PALLD: variants seen among roughly 807,000 people sequenced by gnomAD.
PALLD encodes palladin.
In PALLD, 61 loss-of-function variants were observed where a neutral mutation model predicts 123.5. The observed-to-expected ratio is 0.49, with a 90% confidence interval of 0.40 to 0.61. The LOEUF (loss-of-function observed/expected upper bound fraction) is 0.61. PALLD is among the 20% of genes least tolerant of loss of function. The pLI is 0.00. For missense variants in PALLD, 1,273 were observed against 1,377.0 expected, an observed-to-expected ratio of 0.92 and a Z score of 1.20; for synonymous variants, 465 against 496.4, an observed-to-expected ratio of 0.94 and a Z score of 0.84.
chr4:168,650,942 A>G (rs896371874), intron 2 of PALLD, among the ~76,000 whole-genome samples: 1 of 152,192 alleles, frequency 6.6e-6, no homozygotes. Context: ...AAATACATAA[A>G]TGTATTTACA....
intron 2 of PALLD, among the ~76,000 whole-genome samples, chr4:168,636,024 CATTTCCTT>C (rs1580694618): frequency 6.6e-6 from 1 of 152,184 alleles, no homozygotes; most frequent in East Asian, 1.9e-4. Flanking sequence ...TACATTTGAT[CATTTCCTT>C]CCCAAATATG....
At chr4:168,761,640 TGTTTG>T (rs1732852923) in intron 10 of PALLD, among the ~76,000 whole-genome samples, 1 of 77,314 alleles carries the variant, frequency 1.3e-5, no homozygotes, top group East Asian at 3.3e-4. Context: ...TTGTTGTTGT[TGTTTG>T]TTTTTTTTTT....
chr4:168,639,672 T>C (rs554844126), intron 2 of PALLD, among the ~76,000 whole-genome samples: 85 of 152,014 alleles, frequency 5.6e-4, no homozygotes, highest in African/African-American at 1.8e-3. Context: ...GCCTCCTGAG[T>C]AGCTGGGACT....
chr4:168,669,749 C>T (rs1779995922), intron 3 of PALLD, among the ~76,000 whole-genome samples: 2 of 152,026 alleles, frequency 1.3e-5, no homozygotes, highest in South Asian at 4.1e-4. Flanking sequence ...TTAATAAAAA[C>T]AAACATTCTA....
chr4:168,527,444 A>AAAAAAAAAG (rs1764175499), intron 2 of PALLD, among the ~76,000 whole-genome samples: 1 of 149,364 alleles, frequency 6.7e-6, no homozygotes, highest in African/African-American at 2.5e-5. Context: ...AAAAAAAAAA[A>AAAAAAAAAG]GTCATGCTCA....
intron 3 of PALLD, among the ~76,000 whole-genome samples, chr4:168,671,358 G>C (rs879624209): frequency 6.6e-6 from 1 of 152,152 alleles, no homozygotes; most frequent in Admixed American, 6.5e-5. Context: ...AGTTCTATAT[G>C]GTACGTATCT....
At chr4:168,919,624 G>A (rs752772250) in intron 17 of PALLD, among the ~76,000 whole-genome samples, 20 of 151,334 alleles carry the variant, frequency 1.3e-4, no homozygotes, top group East Asian at 5.8e-4. Context: ...AAATCCTGAC[G>A]ATAAGCCAAA....
chr4:168,603,211 A>T (rs1351515505), intron 2 of PALLD, among the ~76,000 whole-genome samples: 1 of 152,234 alleles, frequency 6.6e-6, no homozygotes, highest in Non-Finnish European at 1.5e-5. Flanking sequence ...ACCCATTGCC[A>T]TCAAAACTTC....
Position 168,657,536 on chromosome 4 carries a change from A to G in PALLD, c.909-10654A>G, listed in dbSNP as rs367676046. ...TATAAGAGTTAAGAAGAAATTATTT[A>G]GGCAGATAGTGAGGGTATAGGAGTC... On this transcript the variant is annotated intron_variant, in intron 2 of 21. Transcript: ENST00000505667. Among the ~76,000 whole-genome samples, 7 of 152,220 alleles carry G rather than the reference A, an allele frequency of 4.6e-5. No individual in the cohort carries two copies. The East Asian group carries it at 1.3e-3, about 29-fold the overall frequency.
intron 10 of PALLD, among the ~76,000 whole-genome samples, chr4:168,889,233 G>A (rs1218374543): frequency 6.7e-6 from 1 of 148,532 alleles, no homozygotes; most frequent in Non-Finnish European, 1.5e-5. Context: ...GTGCGACCTC[G>A]GCTCACTGCA....
chr4:168,910,863 T>A (rs1355810470), intron 15 of PALLD, among the ~76,000 whole-genome samples: 2 of 152,146 alleles, frequency 1.3e-5, no homozygotes, highest in African/African-American at 4.8e-5. Flanking sequence ...AGATAGTGGT[T>A]AAATATGAAA....
chr4:168,735,267 C>T (rs1217163840), intron 10 of PALLD, among the ~76,000 whole-genome samples: 2 of 152,158 alleles, frequency 1.3e-5, no homozygotes, highest in African/African-American at 4.8e-5. Flanking sequence ...TGCTCTCGCC[C>T]CACTGGCCTT....
At position 168,873,127 on chromosome 4, in the gene PALLD, C is replaced by T. The variant is rs114574418; in HGVS notation, c.1965-17795C>T. Among the ~76,000 whole-genome samples, 908 of 152,272 alleles carry T rather than the reference C, an allele frequency of 6.0e-3. 4 individuals are homozygous for T. The highest frequency in any genetic ancestry group is 0.02 in the African/African-American group (832 of 41,538). On this transcript the variant is annotated intron_variant, in intron 10 of 21. Coordinates refer to ENST00000505667, the MANE Select transcript of PALLD (RefSeq NM_001166108.2). ...GGGACCCTCCTAGTATAGGAATGTC[C>T]TACTGAATATGCCTGATGAACCCAA...
intron 10 of PALLD, among the ~76,000 whole-genome samples, chr4:168,785,204 C>T (rs1736540361): frequency 6.6e-6 from 1 of 151,242 alleles, no homozygotes; most frequent in Non-Finnish European, 1.5e-5. Flanking sequence ...AATTAGCTAG[C>T]CAGTGGGATT....
chr4:168,912,904 T>C (rs932059347), intron 15 of PALLD, among the ~76,000 whole-genome samples: 23 of 152,150 alleles, frequency 1.5e-4, no homozygotes, highest in Non-Finnish European at 3.4e-4. Flanking sequence ...AATTGACAAA[T>C]TTAAGAGAAC....
chr4:168,509,350 T>C (rs1184394245), intron 1 of PALLD, among the ~76,000 whole-genome samples: 2 of 152,210 alleles, frequency 1.3e-5, no homozygotes, highest in Admixed American at 6.5e-5. Flanking sequence ...ATAATTGTAA[T>C]ATATTACTGA....
intron 2 of PALLD, among the ~76,000 whole-genome samples, chr4:168,646,546 A>G (rs1378714849): frequency 1.3e-5 from 2 of 152,146 alleles, no homozygotes; most frequent in African/African-American, 4.8e-5. Context: ...TAACCCTCAA[A>G]TGAAATATAC....
intron 10 of PALLD, among the ~76,000 whole-genome samples, chr4:168,887,281 C>T (rs764952083): frequency 1.4e-4 from 21 of 152,146 alleles, no homozygotes; most frequent in Non-Finnish European, 2.6e-4. Flanking sequence ...TTCTAAGTCC[C>T]TTTAAGAGTC....
chr4:168,748,182 A>G (rs1730565023), intron 10 of PALLD, among the ~76,000 whole-genome samples: 1 of 152,240 alleles, frequency 6.6e-6, no homozygotes, highest in Non-Finnish European at 1.5e-5. Context: ...TTTACAAAAC[A>G]CATTAGTAGA....
Sources: allele counts gnomAD v4.1 joint callset (sites outside exome capture counted in the v4.1 genomes callset), GRCh38; gene constraint gnomAD v4.1.1; transcripts MANE v1.5; gene names NCBI Gene and HGNC (gene_info 2026-07-23, HGNC 2026-07-21).